The following PALLD variants were observed in gnomAD, a reference collection of about 807,000 sequenced individuals.
PALLD encodes the protein palladin, cytoskeletal associated protein, also known as palladin.
A neutral mutation model predicts 123.5 loss-of-function variants in PALLD; 61 were observed. The observed-to-expected ratio is 0.49, with a 90% CI of 0.40 to 0.61. The LOEUF (loss-of-function observed/expected upper bound fraction) is 0.61, where lower values mean the gene tolerates loss of function less well. Ranked by LOEUF, PALLD falls within the 20% of genes least tolerant of loss-of-function variation. The pLI is 0.00. For synonymous variants in PALLD, 465 were observed against 496.4 expected, an observed-to-expected ratio of 0.94 and a Z score of 0.84; for missense variants, 1,273 against 1,377.0, an observed-to-expected ratio of 0.92 and a Z score of 1.20.
chr4:168,669,969 C>T (rs1480154631), intron 3 of PALLD, among the ~76,000 whole-genome samples: 4 of 152,092 alleles, frequency 2.6e-5, no homozygotes, highest in Non-Finnish European at 5.9e-5. Flanking sequence ...TATTAACCAC[C>T]CTATCATACT....
At chr4:168,701,990 A>G (rs1259646422) in intron 8 of PALLD, among the ~76,000 whole-genome samples, 2 of 152,174 alleles carry the variant, frequency 1.3e-5, no homozygotes, top group South Asian at 2.1e-4. Flanking sequence ...TCCTGTTCCA[A>G]TGTGTCTTAT....
chr4:168,829,471 C>T (rs17543151), intron 10 of PALLD, among the ~76,000 whole-genome samples: 20,299 of 152,186 alleles, frequency 0.13, 1,543 homozygotes, highest in Admixed American at 0.18. Context: ...TCTTTCTGCT[C>T]TTTATGTTGT....
intron 10 of PALLD, among the ~76,000 whole-genome samples, chr4:168,744,988 C>T (rs1462664615): frequency 1.3e-5 from 2 of 152,184 alleles, no homozygotes; most frequent in South Asian, 2.1e-4. Flanking sequence ...CATAACCCCA[C>T]TCTAAGTCAA....
At chr4:168,599,982 C>G (rs1010554778) in intron 2 of PALLD, among the ~76,000 whole-genome samples, 1 of 150,172 alleles carries the variant, frequency 6.7e-6, no homozygotes, top group South Asian at 2.1e-4. Flanking sequence ...CACATATATA[C>G]ATACATGTGT....
chr4:168,870,471 T>TA (rs1304760109), intron 10 of PALLD, among the ~76,000 whole-genome samples: 1 of 152,218 alleles, frequency 6.6e-6, no homozygotes, highest in East Asian at 1.9e-4. Context: ...CGAATGCCTT[T>TA]AAAATCTTCT....
intron 14 of PALLD, 32 bp downstream of exon 14, chr4:168,898,746 C>A: frequency 1.4e-6 from 2 of 1,428,844 alleles, no homozygotes; most frequent in South Asian, 1.1e-5. Context: ...TTTTAAGAGT[C>A]ATTCTCTGAG....
chr4:168,722,191 C>A (rs765105485), intron 10 of PALLD, among the ~76,000 whole-genome samples: 21 of 152,082 alleles, frequency 1.4e-4, no homozygotes, highest in Non-Finnish European at 2.1e-4. Flanking sequence ...ACTACAAGTG[C>A]ACAACACCAC....
In PALLD at chr4:168,924,967, T is replaced by G. The variant is rs1470297228; in HGVS notation, c.3247T>G (p.Tyr1083Asp). 6.2e-7 allele frequency: 1 copy of G among 1,614,020 alleles called. No homozygotes were observed. Among genetic ancestry groups the G allele is most frequent in the Admixed American group, 1.7e-5 (1 of 59,994 alleles). ...RVSMHQDNHG[Y>D]ICLLIQGATK... Reference sequence around the variant, plus strand: ...CAGCATGCACCAGGACAACCACGGCTACATCTGCCTGCTCATTCAGGGAGC... The same window carrying G: ...CAGCATGCACCAGGACAACCACGGCGACATCTGCCTGCTCATTCAGGGAGC... Residue 1083 changes from tyrosine (Y) to aspartate (D), a missense_variant, in exon 20 of 22, where the codon TAC becomes GAC. This residue lies in a region of PALLD where 329 missense variants were observed against 422.5 expected (regional missense o/e 0.78). Coordinates refer to ENST00000505667, the MANE Select transcript of PALLD (RefSeq NM_001166108.2).
intron 2 of PALLD, among the ~76,000 whole-genome samples, chr4:168,529,243 A>G (rs1382063938): frequency 1.3e-5 from 2 of 152,104 alleles, no homozygotes; most frequent in African/African-American, 4.8e-5. Context: ...AGACTAAGGC[A>G]AGAGAATTGC....
At chr4:168,855,605 T>C (rs952419879) in intron 10 of PALLD, among the ~76,000 whole-genome samples, 4 of 152,198 alleles carry the variant, frequency 2.6e-5, no homozygotes, top group Admixed American at 2.0e-4. Flanking sequence ...TTATGTAATA[T>C]GAATGGGATG....
intron 10 of PALLD, among the ~76,000 whole-genome samples, chr4:168,769,765 G>GA (rs1174622694): frequency 2.0e-5 from 3 of 152,166 alleles, no homozygotes; most frequent in African/African-American, 7.2e-5. Context: ...CACTCATAAT[G>GA]TTGAAAGGGC....
rs902818500 is a variant in PALLD, at chr4:168,631,954, C to G, written c.909-36236C>G. The G allele has an allele frequency of 2.0e-5, 19 of 966,872 alleles. 2 individuals carry two copies. In the South Asian group the frequency reaches 4.3e-4, roughly 22 times the overall value. 59.9% of individuals were successfully genotyped at this position (966,872 alleles called of 1,614,324 possible). On this transcript the variant is annotated intron_variant, in intron 2 of 21. Transcript: ENST00000505667. ...CATGGAGGAAATAAAGCTTTGCAGC[C>G]TTTCCAGGCAGTGGCATGCAAGTAC... is the stretch of plus-strand genomic sequence containing the variant.
At chr4:168,552,289 AGGAACCTG>A (rs1766818313) in intron 2 of PALLD, among the ~76,000 whole-genome samples, 1 of 152,202 alleles carries the variant, frequency 6.6e-6, no homozygotes, top group South Asian at 2.1e-4. Flanking sequence ...AGGGGAGGGC[AGGAACCTG>A]GGAAGTTGGA....
chr4:168,631,143 T>C (rs1435086671), intron 2 of PALLD, among the ~76,000 whole-genome samples: 1 of 152,230 alleles, frequency 6.6e-6, no homozygotes, highest in African/African-American at 2.4e-5. Context: ...AATTAATTTA[T>C]GGCTTTGCAG....
chr4:168,869,331 T>G lies in PALLD; in HGVS notation c.1965-21591T>G, dbSNP rs1316450379. On this transcript the variant is annotated intron_variant, in intron 10 of 21. Coordinates refer to ENST00000505667, the MANE Select transcript of PALLD (RefSeq NM_001166108.2). The surrounding 1 kb of genome is among the most constrained non-coding windows in gnomAD (Gnocchi z 4.5). Reference sequence around the variant, plus strand: ...CGATCTGGGCTGGTGTGTGAGATGATAATGCCACTGCCAAACTGACAGTGC... The same window carrying G: ...CGATCTGGGCTGGTGTGTGAGATGAGAATGCCACTGCCAAACTGACAGTGC... Among the ~76,000 whole-genome samples the G allele has an allele frequency of 6.6e-6, 1 of 152,070 alleles. No homozygotes were observed. Among genetic ancestry groups the G allele is most frequent in the Non-Finnish European group, 1.5e-5 (1 of 68,004 alleles).
intron 8 of PALLD, among the ~76,000 whole-genome samples, chr4:168,702,532 C>T (rs529244037): frequency 7.7e-4 from 117 of 152,084 alleles, no homozygotes; most frequent in Non-Finnish European, 1.3e-3. Flanking sequence ...CCAGCCTGGG[C>T]GACAAGTGAA....
At chr4:168,609,765 G>C (rs967743730) in intron 2 of PALLD, among the ~76,000 whole-genome samples, 5 of 152,326 alleles carry the variant, frequency 3.3e-5, no homozygotes, top group Admixed American at 1.3e-4. Flanking sequence ...TTCTGAATCT[G>C]AGGTTTCTAT....
At chr4:168,620,056 A>G (rs1200433605) in intron 2 of PALLD, among the ~76,000 whole-genome samples, 3 of 152,212 alleles carry the variant, frequency 2.0e-5, no homozygotes, top group Non-Finnish European at 4.4e-5. Flanking sequence ...ACAGAGCAAA[A>G]TCAGCTGACT....
intron 13 of PALLD, among the ~76,000 whole-genome samples, chr4:168,896,925 G>A (rs148113470): frequency 0.022 from 3,420 of 152,144 alleles, 129 homozygotes; most frequent in African/African-American, 0.076. Context: ...TCTGTCTCCT[G>A]GGTTCAAGCG....
Sources: gnomAD v4.1 joint callset for allele counts (sites outside exome capture counted in the v4.1 genomes callset) on GRCh38, gnomAD v4.1.1 for gene constraint, gnomAD v4.1.1 regional missense constraint, Gnocchi (gnomAD v3.1) non-coding constraint, MANE v1.5 for transcripts, NCBI Gene and HGNC (gene_info 2026-07-23, HGNC 2026-07-21) for gene names.